Variants in DNM3 observed in about 807,000 individuals in gnomAD.
The protein encoded by DNM3 is dynamin 3, also known as dynamin-3.
In DNM3, 47 loss-of-function variants were observed where a neutral mutation model predicts 101.6. That is an observed-to-expected ratio of 0.46 (90% CI 0.37 to 0.59). The LOEUF (loss-of-function observed/expected upper bound fraction) is 0.59, where lower values mean the gene tolerates loss of function less well. Among genes scored for constraint, DNM3 ranks in the 20% least tolerant of loss-of-function variants. The pLI, the probability that DNM3 is intolerant of heterozygous loss-of-function variation, is 0.00. For synonymous variants in DNM3, 385 were observed against 387.9 expected, an observed-to-expected ratio of 0.99 and a Z score of 0.09; for missense variants, 849 against 1,085.7, an observed-to-expected ratio of 0.78 and a Z score of 3.06.
chr1:172,336,865 ACT>A (rs2066455504), intron 17 of DNM3, among the ~76,000 whole-genome samples: 1 of 152,032 alleles, frequency 6.6e-6, no homozygotes, highest in Admixed American at 6.6e-5. Context: ...TGTGCAAGTG[ACT>A]CTGATCCTCT....
At chr1:172,042,228 T>A in intron 8 of DNM3, 84 bp downstream of exon 8, 1 of 1,371,736 alleles carries the variant, frequency 7.3e-7, no homozygotes, top group Non-Finnish European at 9.7e-7. Flanking sequence ...ATTGTGTGAG[T>A]GGTATAGAAC....
intron 4 of DNM3, among the ~76,000 whole-genome samples, chr1:172,006,766 A>G (rs1470092457): frequency 6.6e-6 from 1 of 152,022 alleles, no homozygotes; most frequent in African/African-American, 2.4e-5. Flanking sequence ...GAACATTTTC[A>G]TCACCCATAA....
chr1:172,103,606 A>G (rs1449884552), intron 13 of DNM3, among the ~76,000 whole-genome samples: 3 of 152,198 alleles, frequency 2.0e-5, no homozygotes, highest in African/African-American at 7.2e-5. Context: ...CTATATATGT[A>G]AGTACCTCAA....
intron 13 of DNM3, among the ~76,000 whole-genome samples, chr1:172,127,794 C>G (rs1006093337): frequency 6.6e-6 from 1 of 152,034 alleles, no homozygotes; most frequent in Admixed American, 6.6e-5. Context: ...AGAAAGAAAC[C>G]TAAAACAAAA....
intron 15 of DNM3, among the ~76,000 whole-genome samples, chr1:172,307,129 A>G: frequency 6.6e-6 from 1 of 152,194 alleles, no homozygotes; most frequent in South Asian, 2.1e-4. Flanking sequence ...TTCTACCCAT[A>G]TGACAAAGGG....
intron 14 of DNM3, among the ~76,000 whole-genome samples, chr1:172,247,805 C>G (rs943390403): frequency 5.9e-5 from 9 of 151,994 alleles, no homozygotes; most frequent in African/African-American, 1.9e-4. Context: ...CTGCCTCAGC[C>G]TCCCAAGTAG....
At chr1:172,191,979 T>A (rs2059743106) in intron 14 of DNM3, among the ~76,000 whole-genome samples, 1 of 151,988 alleles carries the variant, frequency 6.6e-6, no homozygotes, top group South Asian at 2.1e-4. Flanking sequence ...AAGTGAATAC[T>A]CCTTATTTCT....
intron 1 of DNM3, among the ~76,000 whole-genome samples, chr1:171,842,088 C>A (rs2031300342): frequency 6.6e-6 from 1 of 152,178 alleles, no homozygotes; most frequent in Admixed American, 6.5e-5. Context: ...TCCTCCCTGT[C>A]CTCCAGTCGG....
chr1:172,285,053 T>C (rs2586392), intron 15 of DNM3, among the ~76,000 whole-genome samples: 47,742 of 152,012 alleles, frequency 0.31, 8,046 homozygotes, highest in African/African-American at 0.45. Flanking sequence ...ATGAAAAGTC[T>C]TAAAGGGATG....
At chr1:171,907,423 G>A (rs1015110518) in intron 1 of DNM3, among the ~76,000 whole-genome samples, 3 of 152,084 alleles carry the variant, frequency 2.0e-5, no homozygotes, top group Non-Finnish European at 2.9e-5. Flanking sequence ...CCTGGGAGGC[G>A]GAGGTTGCGG....
chr1:172,303,032 T>C (rs2064550125), intron 15 of DNM3, among the ~76,000 whole-genome samples: 1 of 152,106 alleles, frequency 6.6e-6, no homozygotes, highest in African/African-American at 2.4e-5. Context: ...AGAATGACTT[T>C]GATGAGTTGA....
chr1:171,976,057 A>G (rs1259522010), intron 2 of DNM3, among the ~76,000 whole-genome samples: 1 of 133,934 alleles, frequency 7.5e-6, no homozygotes, highest in Non-Finnish European at 1.7e-5. Context: ...AACAGGATGG[A>G]TTCAAAAAAT....
At chr1:171,959,005 C>T (rs1198387206) in intron 2 of DNM3, among the ~76,000 whole-genome samples, 6 of 152,052 alleles carry the variant, frequency 3.9e-5, no homozygotes, top group African/African-American at 1.4e-4. Context: ...AAGCAAGTCC[C>T]AAATGAATGA....
At chr1:172,024,837 C>T (rs927683988) in intron 4 of DNM3, among the ~76,000 whole-genome samples, 3 of 152,242 alleles carry the variant, frequency 2.0e-5, no homozygotes, top group African/African-American at 7.2e-5. Flanking sequence ...GTGCCTACAC[C>T]ACCAGGGCCT....
At chr1:172,216,795 G>A (rs1282691623) in intron 14 of DNM3, among the ~76,000 whole-genome samples, 4 of 151,426 alleles carry the variant, frequency 2.6e-5, no homozygotes, top group Admixed American at 2.6e-4. Context: ...ACCACACAAA[G>A]CACAAAGCAA....
At chr1:172,306,148 A>G (rs1291211502) in intron 15 of DNM3, among the ~76,000 whole-genome samples, 4 of 152,214 alleles carry the variant, frequency 2.6e-5, no homozygotes, top group African/African-American at 4.8e-5. Flanking sequence ...ATCTCAGCCC[A>G]AAATCTCCTT....
intron 2 of DNM3, among the ~76,000 whole-genome samples, chr1:171,980,151 C>CT (rs35057661): frequency 0.27 from 37,844 of 138,224 alleles, 5,725 homozygotes; most frequent in Admixed American, 0.37. Context: ...TTTAGATTTC[C>CT]TTTTTTTTTT....
At chr1:172,143,894 TA>T (rs2057732061) in intron 14 of DNM3, among the ~76,000 whole-genome samples, 1 of 152,152 alleles carries the variant, frequency 6.6e-6, no homozygotes, top group Admixed American at 6.5e-5. Context: ...TAGGTACTAT[TA>T]TTCCTGTTGT....
intron 14 of DNM3, among the ~76,000 whole-genome samples, chr1:172,181,385 C>T (rs1013471396): frequency 1.1e-5 from 1 of 90,610 alleles, no homozygotes; most frequent in Non-Finnish European, 1.9e-5. Context: ...TACACACACA[C>T]ACACACACAC....
Sources: allele counts gnomAD v4.1 joint callset (sites outside exome capture counted in the v4.1 genomes callset), GRCh38; gene constraint gnomAD v4.1.1; transcripts MANE v1.5; gene names NCBI Gene and HGNC (gene_info 2026-07-23, HGNC 2026-07-21).